The following CHSY3 variants were observed in gnomAD, a reference collection of about 807,000 sequenced individuals.
The protein encoded by CHSY3 is N-acetylgalactosaminyl-proteoglycan 3-beta-glucuronosyltransferase 3.
A neutral mutation model predicts 67.2 loss-of-function variants in CHSY3; 35 were observed. The ratio of observed to expected loss-of-function variants is 0.52; its 90% CI spans 0.40 to 0.69. The LOEUF is 0.69. Ranked by LOEUF, CHSY3 falls within the 30% of genes least tolerant of loss-of-function variation. The pLI is 0.00. For synonymous variants in CHSY3, 474 were observed against 434.7 expected, an observed-to-expected ratio of 1.09 and a Z score of -1.12; for missense variants, 1,069 against 1,138.5, an observed-to-expected ratio of 0.94 and a Z score of 0.88.
intron 2 of CHSY3, among the ~76,000 whole-genome samples, chr5:130,125,096 T>C (rs1418367167): frequency 1.3e-5 from 2 of 151,994 alleles, no homozygotes; most frequent in East Asian, 1.9e-4. Context: ...CCTGCAGAGA[T>C]TACAGAAGGA....
chr5:130,063,907 C>G lies in CHSY3; in HGVS notation c.1087-120322C>G, dbSNP rs183975037. Reference sequence around the variant, plus strand: ...CCCTAGAAGGCCCCATTTCTTAATACTATCACATTGGCAACATCTGGATTT... The same window carrying G: ...CCCTAGAAGGCCCCATTTCTTAATAGTATCACATTGGCAACATCTGGATTT... On this transcript the variant is annotated intron_variant, in intron 2 of 2. Transcript: ENST00000305031. 9.7e-4 allele frequency among the ~76,000 whole-genome samples: 147 copies of G among 152,222 alleles called. 1 individual carries two copies. The highest frequency in any genetic ancestry group is 4.7e-3 in the Admixed American group (72 of 15,272).
rs547085485 is a variant in CHSY3 at position 129,984,390 on chromosome 5, G to A, written c.1086+76030G>A. On this transcript the variant is annotated intron_variant, in intron 2 of 2. Coordinates refer to ENST00000305031, the MANE Select transcript of CHSY3 (RefSeq NM_175856.5). Reference sequence around the variant, plus strand: ...CTTTTTTATGGCTGTGTAGTATTCCGTGGTGTATATGTACCATATTTCTTT... The same window carrying A: ...CTTTTTTATGGCTGTGTAGTATTCCATGGTGTATATGTACCATATTTCTTT... Among the ~76,000 whole-genome samples, 25 of 152,074 alleles carry A rather than the reference G, an allele frequency of 1.6e-4. No individual in the cohort carries two copies. The East Asian group carries it at 3.3e-3, about 20-fold the overall frequency.
chr5:130,043,712 T>C (rs1259718913), intron 2 of CHSY3, among the ~76,000 whole-genome samples: 2 of 151,984 alleles, frequency 1.3e-5, no homozygotes, highest in African/African-American at 4.8e-5. Flanking sequence ...TGATGTCATG[T>C]AGCAGAATTA....
At chr5:130,002,634 A>G (rs1763762289) in intron 2 of CHSY3, among the ~76,000 whole-genome samples, 1 of 152,158 alleles carries the variant, frequency 6.6e-6, no homozygotes, top group African/African-American at 2.4e-5. Context: ...GATCCTAAAG[A>G]GACATAGAAG....
rs527609619 is a variant in CHSY3 at position 129,968,177 on chromosome 5, A to G, written c.1086+59817A>G. On this transcript the variant is annotated intron_variant, in intron 2 of 2. Coordinates refer to ENST00000305031, the MANE Select transcript of CHSY3 (RefSeq NM_175856.5). Reference sequence around the variant, plus strand: ...TTGGGGAATCTAAATTATTCTTTCAATTCCATTAGAGTGATATCTCATAAT... The same window carrying G: ...TTGGGGAATCTAAATTATTCTTTCAGTTCCATTAGAGTGATATCTCATAAT... Among the ~76,000 whole-genome samples the G allele has an allele frequency of 9.2e-5, 14 of 151,974 alleles. No homozygotes were observed. In the East Asian group the frequency reaches 2.7e-3, roughly 30 times the overall value.
chr5:129,934,451 T>C (rs1748299217), intron 2 of CHSY3, among the ~76,000 whole-genome samples: 1 of 152,154 alleles, frequency 6.6e-6, no homozygotes, highest in South Asian at 2.1e-4. Flanking sequence ...TTGATAGGCA[T>C]AGAGTAAATA....
intron 2 of CHSY3, among the ~76,000 whole-genome samples, chr5:130,030,104 A>G (rs75511971): frequency 0.022 from 3,271 of 152,112 alleles, 111 homozygotes; most frequent in African/African-American, 0.072. Flanking sequence ...CCTCCACTTT[A>G]TCCTCTAGGT....
At chr5:130,039,504 A>C (rs1170364114) in intron 2 of CHSY3, among the ~76,000 whole-genome samples, 1 of 114,516 alleles carries the variant, frequency 8.7e-6, no homozygotes, top group Non-Finnish European at 2.0e-5. Context: ...ATCTAAAAAC[A>C]AAAACAAAAC....
chr5:129,996,809 A>G (rs2149635033), intron 2 of CHSY3, among the ~76,000 whole-genome samples: 1 of 152,208 alleles, frequency 6.6e-6, no homozygotes, highest in Non-Finnish European at 1.5e-5. Flanking sequence ...GTTTCTTTAT[A>G]ATAGCATTTA....
chr5:129,906,188 T>A (rs1486432078), intron 1 of CHSY3, among the ~76,000 whole-genome samples: 2 of 152,154 alleles, frequency 1.3e-5, no homozygotes, highest in Non-Finnish European at 2.9e-5. Flanking sequence ...CTTTCCTATG[T>A]GTTCCCTTCC....
chr5:130,180,928 A>G (rs1377484393), intron 2 of CHSY3, among the ~76,000 whole-genome samples: 1 of 152,236 alleles, frequency 6.6e-6, no homozygotes, highest in East Asian at 1.9e-4. Context: ...TGTTTTCATT[A>G]TTAATAATTC....
At chr5:130,117,550 TG>T (rs2149707153) in intron 2 of CHSY3, among the ~76,000 whole-genome samples, 1 of 152,268 alleles carries the variant, frequency 6.6e-6, no homozygotes, top group African/African-American at 2.4e-5. Context: ...TGGCTGTTTT[TG>T]TTTCCCTGGT....
At chr5:130,076,073 C>T (rs17635642) in intron 2 of CHSY3, among the ~76,000 whole-genome samples, 1,546 of 152,196 alleles carry the variant, frequency 0.01, 48 homozygotes, top group East Asian at 0.089. Context: ...TGGTCCAAGC[C>T]TTGCCTTAAC....
intron 2 of CHSY3, among the ~76,000 whole-genome samples, chr5:130,113,134 T>C (rs1442092879): frequency 2.0e-5 from 3 of 152,080 alleles, no homozygotes; most frequent in Admixed American, 2.0e-4. Context: ...ATATATATTA[T>C]ATATAATGTA....
intron 2 of CHSY3, among the ~76,000 whole-genome samples, chr5:130,123,104 C>T (rs1379490728): frequency 6.6e-6 from 1 of 151,402 alleles, no homozygotes; most frequent in Admixed American, 6.6e-5. Context: ...TTAAATAGAG[C>T]CATTAGTTAA....
chr5:129,925,915 A>G (rs988967462), intron 2 of CHSY3, among the ~76,000 whole-genome samples: 1 of 152,076 alleles, frequency 6.6e-6, no homozygotes. Flanking sequence ...GTATATATAT[A>G]TGCATTTATA....
At position 130,151,328 on chromosome 5, in the gene CHSY3, G is replaced by A. The variant is rs144138043; in HGVS notation, c.1087-32901G>A. ...ATGCCACTTTTGGTGAGCAAATTGGGGCATGCTTGACACAAGTCCTTTGCC... is the reference window on the plus strand; with the variant it reads ...ATGCCACTTTTGGTGAGCAAATTGGAGCATGCTTGACACAAGTCCTTTGCC... On this transcript the variant is annotated intron_variant, in intron 2 of 2. Coordinates refer to ENST00000305031, the MANE Select transcript of CHSY3 (RefSeq NM_175856.5). 2.6e-4 allele frequency among the ~76,000 whole-genome samples: 39 copies of A among 152,274 alleles called. No individual in the cohort carries two copies. In the East Asian group the frequency reaches 7.1e-3, roughly 28 times the overall value.
intron 2 of CHSY3, among the ~76,000 whole-genome samples, chr5:130,046,511 A>G (rs1765154287): frequency 6.6e-6 from 1 of 152,124 alleles, no homozygotes. Context: ...GTGAACAGCT[A>G]CTTTGTGGGA....
Position 130,184,850 on chromosome 5 carries a change from C to T in CHSY3, c.1708C>T (p.Pro570Ser). Reference protein sequence around the residue: ...HAYLQQLFSKPFFRETEELDV... With the variant: ...HAYLQQLFSKSFFRETEELDV... Reference sequence around the variant, plus strand: ...CTATCTTCAGCAGTTGTTCAGCAAGCCTTTCTTCAGAGAGACCGAAGAGCT... The same window carrying T: ...CTATCTTCAGCAGTTGTTCAGCAAGTCTTTCTTCAGAGAGACCGAAGAGCT... The change falls in exon 3 of 3, where the codon CCT becomes TCT. Residue 570 changes from proline (P) to serine (S), a missense_variant. This residue lies in a region of CHSY3 where 401 missense variants were observed against 395.2 expected (regional missense o/e 1.01). Coordinates refer to ENST00000305031, the MANE Select transcript of CHSY3 (RefSeq NM_175856.5). The T allele has an allele frequency of 6.2e-7, 1 of 1,606,614 alleles. No homozygotes were observed. Among genetic ancestry groups the T allele is most frequent in the Non-Finnish European group, 8.5e-7 (1 of 1,173,202 alleles).
Sources: allele counts gnomAD v4.1 joint callset (sites outside exome capture counted in the v4.1 genomes callset), GRCh38; gene constraint gnomAD v4.1.1; regional missense constraint gnomAD v4.1.1; transcripts MANE v1.5; gene names NCBI Gene and HGNC (gene_info 2026-07-23, HGNC 2026-07-21).